Variants in DNAJC15 observed in about 807,000 individuals in gnomAD.
DNAJC15 encodes dnaJ homolog subfamily C member 15.
Under a neutral mutation model 22.4 loss-of-function variants are expected in DNAJC15, and 27 were observed. The ratio of observed to expected loss-of-function variants is 1.20; its 90% CI spans 0.89 to 1.66. The LOEUF is 1.66. DNAJC15 is among the 40% of genes most tolerant of loss of function. DNAJC15 has a pLI of 0.00. For missense variants in DNAJC15, 208 were observed against 187.1 expected, an observed-to-expected ratio of 1.11 and a Z score of -0.65; for synonymous variants, 79 against 63.2, an observed-to-expected ratio of 1.25 and a Z score of -1.19.
chr13:43,082,155 C>T (rs1441054121), intron 4 of DNAJC15, among the ~76,000 whole-genome samples: 2 of 151,156 alleles, frequency 1.3e-5, no homozygotes, highest in East Asian at 3.9e-4. Flanking sequence ...AACCATATCA[C>T]TATATGTTAC....
intron 1 of DNAJC15, among the ~76,000 whole-genome samples, chr13:43,062,902 A>G (rs904140694): frequency 6.6e-6 from 1 of 151,958 alleles, no homozygotes; most frequent in Non-Finnish European, 1.5e-5. Context: ...TATTTTTAGT[A>G]GATACGGGGT....
chr13:43,101,473 A>T (rs1047775508), intron 5 of DNAJC15, among the ~76,000 whole-genome samples: 1 of 152,178 alleles, frequency 6.6e-6, no homozygotes, highest in Non-Finnish European at 1.5e-5. Flanking sequence ...TGCATGGAAA[A>T]GCTTTTTTGT....
At chr13:43,100,202 A>T (rs539886915) in intron 5 of DNAJC15, among the ~76,000 whole-genome samples, 138 of 129,820 alleles carry the variant, frequency 1.1e-3, no homozygotes, top group Non-Finnish European at 1.8e-3. Flanking sequence ...AAGTTATTGA[A>T]GTCTTTTTTT....
At chr13:43,040,180 G>GA (rs1201712995) in intron 1 of DNAJC15, among the ~76,000 whole-genome samples, 2 of 152,194 alleles carry the variant, frequency 1.3e-5, no homozygotes, top group African/African-American at 2.4e-5. Context: ...TCAGGCCAAA[G>GA]AACAGTTCTC....
At chr13:43,057,598 C>A (rs1483644374) in intron 1 of DNAJC15, among the ~76,000 whole-genome samples, 1 of 152,156 alleles carries the variant, frequency 6.6e-6, no homozygotes, top group East Asian at 1.9e-4. Flanking sequence ...CTTTATCTGA[C>A]AATTTAGAGA....
chr13:43,040,334 A>G (rs1181263691), intron 1 of DNAJC15, among the ~76,000 whole-genome samples: 1 of 152,224 alleles, frequency 6.6e-6, no homozygotes, highest in Non-Finnish European at 1.5e-5. Flanking sequence ...TTAATTTTCT[A>G]ACTAGAATTT....
chr13:43,036,396 G>A (rs1294018162), intron 1 of DNAJC15, among the ~76,000 whole-genome samples: 1 of 152,150 alleles, frequency 6.6e-6, no homozygotes, highest in Non-Finnish European at 1.5e-5. Flanking sequence ...CCTGATAAGG[G>A]TGTCTGGCTA....
intron 1 of DNAJC15, among the ~76,000 whole-genome samples, chr13:43,024,666 A>G (rs1364228009): frequency 6.6e-6 from 1 of 151,996 alleles, no homozygotes; most frequent in Non-Finnish European, 1.5e-5. Context: ...TTTTGTAGCC[A>G]TATTAAACAA....
chr13:43,095,643 T>C (rs2040736241), intron 5 of DNAJC15, among the ~76,000 whole-genome samples: 1 of 151,874 alleles, frequency 6.6e-6, no homozygotes, highest in Admixed American at 6.6e-5. Flanking sequence ...TAGATCAAGT[T>C]AGAAAAGGGG....
chr13:43,106,415 A>C (rs551573163), intron 5 of DNAJC15, among the ~76,000 whole-genome samples: 9 of 152,166 alleles, frequency 5.9e-5, no homozygotes, highest in Admixed American at 5.9e-4. Context: ...ATTTACAATG[A>C]TTCTGCATTT....
At chr13:43,075,814 C>T (rs569603129) in intron 3 of DNAJC15, among the ~76,000 whole-genome samples, 1 of 152,266 alleles carries the variant, frequency 6.6e-6, no homozygotes, top group Admixed American at 6.5e-5. Flanking sequence ...AGGCATGCAC[C>T]ACTACACCCA....
rs770705266 is a variant in DNAJC15, at chr13:43,096,760, TC to T, written c.383-10417del. ...CCCTTTGTATTCAGGTTGGCCTTTG[TC>T]ATTTGTTTTGACCAATAGAATATAG... On this transcript the variant is annotated intron_variant, in intron 5 of 5. Transcript: ENST00000379221. 1.1e-4 allele frequency among the ~76,000 whole-genome samples: 16 copies of T among 152,336 alleles called. No individual in the cohort carries two copies. The South Asian group carries it at 1.9e-3, about 18-fold the overall frequency.
rs534763390 is a variant in DNAJC15 at position 43,025,064 on chromosome 13, A to G, written c.108+1330A>G. ...GACAGAGCTAGACCCTGTCTCCAACAAAGAAAAAAAAATGAGGCAGTAGAG... is the reference window on the plus strand; with the variant it reads ...GACAGAGCTAGACCCTGTCTCCAACGAAGAAAAAAAAATGAGGCAGTAGAG... On this transcript the variant is annotated intron_variant, in intron 1 of 5. Coordinates refer to ENST00000379221, the MANE Select transcript of DNAJC15 (RefSeq NM_013238.3). 2.1e-4 allele frequency among the ~76,000 whole-genome samples: 32 copies of G among 152,000 alleles called. No individual in the cohort carries two copies. In the East Asian group the frequency reaches 5.6e-3, roughly 27 times the overall value.
At chr13:43,053,826 G>C (rs976835705) in intron 1 of DNAJC15, among the ~76,000 whole-genome samples, 10 of 152,196 alleles carry the variant, frequency 6.6e-5, no homozygotes, top group African/African-American at 2.4e-4. Flanking sequence ...GGAGTCTTCA[G>C]GGTTTTCTGG....
chr13:43,025,096 A>G (rs2040374782), intron 1 of DNAJC15, among the ~76,000 whole-genome samples: 1 of 151,906 alleles, frequency 6.6e-6, no homozygotes, highest in South Asian at 2.1e-4. Context: ...AGAGATTTAG[A>G]AAGTTTTAAG....
intron 3 of DNAJC15, among the ~76,000 whole-genome samples, chr13:43,078,188 G>T (rs1347263607): frequency 6.6e-6 from 1 of 152,168 alleles, no homozygotes; most frequent in African/African-American, 2.4e-5. Context: ...CTGTCTGCTA[G>T]TGTGACATAC....
At chr13:43,085,697 C>T in intron 4 of DNAJC15, 71 bp from the exon 5 acceptor site, 1 of 1,294,398 alleles carries the variant, frequency 7.7e-7, no homozygotes, top group East Asian at 2.4e-5. Flanking sequence ...TTTTTGAAAC[C>T]CATATAAACC....
In DNAJC15 at chr13:43,026,534, T is replaced by C. The variant is rs578189401; in HGVS notation, c.108+2800T>C. On this transcript the variant is annotated intron_variant, in intron 1 of 5. Transcript: ENST00000379221. ...AATGACCAATAATGAGGCAGAAGAT[T>C]GTTGATAATAACTTTAGGGAACTTG... Among the ~76,000 whole-genome samples the C allele has an allele frequency of 4.6e-5, 7 of 152,286 alleles. No individual in the cohort carries two copies. The South Asian group carries it at 1.0e-3, about 23-fold the overall frequency.
At chr13:43,068,843 CAAT>C (rs1245712790) in intron 2 of DNAJC15, 84 bp from the exon 3 acceptor site, 6 of 1,070,000 alleles carry the variant, frequency 5.6e-6, no homozygotes, top group African/African-American at 3.2e-5. Context: ...TATAAACTAT[CAAT>C]AAATACTGTT....
Sources: gnomAD v4.1 joint callset for allele counts (sites outside exome capture counted in the v4.1 genomes callset) on GRCh38, gnomAD v4.1.1 for gene constraint, MANE v1.5 for transcripts, NCBI Gene and HGNC (gene_info 2026-07-23, HGNC 2026-07-21) for gene names.